KLF7: variants seen among roughly 807,000 people sequenced by gnomAD.
KLF7 encodes the protein KLF transcription factor 7, also known as Krueppel-like factor 7.
A neutral mutation model predicts 27.3 loss-of-function variants in KLF7; 2 were observed. That is an observed-to-expected ratio of 0.07 (90% CI 0.03 to 0.23). The LOEUF (loss-of-function observed/expected upper bound fraction) is 0.23. Among genes scored for constraint, KLF7 ranks in the 10% least tolerant of loss-of-function variants. The pLI is 1.00. For missense variants in KLF7, 221 were observed against 394.1 expected (o/e 0.56, Z 3.72); for synonymous variants, 165 against 162.4 (o/e 1.02, Z -0.12).
rs79965696 is a variant in KLF7 at position 207,111,679 on chromosome 2, G to A, written c.733+12095C>T. 3.9e-3 allele frequency among the ~76,000 whole-genome samples: 591 copies of A among 152,280 alleles called. 3 individuals are homozygous for A. The highest frequency in any genetic ancestry group is 0.014 in the African/African-American group (568 of 41,560). On this transcript the variant is annotated intron_variant, in intron 2 of 3. Coordinates refer to ENST00000309446, the MANE Select transcript of KLF7 (RefSeq NM_003709.4). ...CTCCTTTCTTCATTCCCCAAAGCAT[G>A]CTTGCTTGTATGCCTGCACTCTCAC...
intron 1 of KLF7, among the ~76,000 whole-genome samples, chr2:207,160,100 A>G (rs1046271263): frequency 6.6e-6 from 1 of 152,230 alleles, no homozygotes; most frequent in Non-Finnish European, 1.5e-5. Flanking sequence ...TAACTTGTCA[A>G]TGTTACATGT....
At chr2:207,104,232 G>A (rs901254942) in intron 2 of KLF7, among the ~76,000 whole-genome samples, 16 of 152,218 alleles carry the variant, frequency 1.1e-4, no homozygotes, top group Admixed American at 5.9e-4. Flanking sequence ...TGTGATATAT[G>A]TGGCTTTTTC....
intron 1 of KLF7, among the ~76,000 whole-genome samples, chr2:207,146,132 G>T (rs1329833555): frequency 2.0e-5 from 3 of 152,190 alleles, no homozygotes; most frequent in Non-Finnish European, 2.9e-5. Flanking sequence ...GTGACCAACA[G>T]GCAAGTGGAC....
At chr2:207,167,207 C>A (rs1453150097), upstream of KLF7, 6 of 1,345,758 alleles carry the variant, frequency 4.5e-6, no homozygotes, top group East Asian at 3.0e-5. Context: ...TTCTCGTTTT[C>A]TGGAGTTGGG....
chr2:207,154,330 CA>C (rs950155118), intron 1 of KLF7, among the ~76,000 whole-genome samples: 2 of 152,044 alleles, frequency 1.3e-5, no homozygotes, highest in African/African-American at 4.8e-5. Flanking sequence ...GCTAGAAAAA[CA>C]TAAGATACGT....
chr2:207,138,571 A>C (rs370576412), intron 1 of KLF7, among the ~76,000 whole-genome samples: 1 of 152,362 alleles, frequency 6.6e-6, no homozygotes, highest in African/African-American at 2.4e-5. Flanking sequence ...GGCAGTATCC[A>C]CATTAAGAAT....
chr2:207,122,208 T>C (rs186502997), intron 2 of KLF7, among the ~76,000 whole-genome samples: 2 of 152,256 alleles, frequency 1.3e-5, no homozygotes, highest in East Asian at 1.9e-4. Flanking sequence ...TGTGGAGTGG[T>C]GAACTGGAAC....
intron 2 of KLF7, among the ~76,000 whole-genome samples, chr2:207,089,979 C>CT (rs1245599439): frequency 6.6e-6 from 1 of 152,196 alleles, no homozygotes; most frequent in Non-Finnish European, 1.5e-5. Flanking sequence ...ACTTGACCTA[C>CT]TTTCTTCTTT....
intron 1 of KLF7, among the ~76,000 whole-genome samples, chr2:207,131,192 T>C (rs1194216790): frequency 6.6e-6 from 1 of 152,188 alleles, no homozygotes; most frequent in Non-Finnish European, 1.5e-5. Context: ...GTGAGAAGGA[T>C]GATGCTTCTG....
chr2:207,138,692 T>C lies in KLF7; in HGVS notation c.103-14288A>G, dbSNP rs185904921. Among the ~76,000 whole-genome samples, 159 of 152,316 alleles carry C rather than the reference T, an allele frequency of 1.0e-3. 3 individuals are homozygous for C. Among genetic ancestry groups the C allele is most frequent in the African/African-American group, 3.4e-3 (143 of 41,570 alleles). On this transcript the variant is annotated intron_variant, in intron 1 of 3. Coordinates refer to ENST00000309446, the MANE Select transcript of KLF7 (RefSeq NM_003709.4). Reference sequence around the variant, plus strand: ...CCAATACAATTTCCTAGTGCCCTACTTACTAGAATAAAACTCATGGCAAGA... The same window carrying C: ...CCAATACAATTTCCTAGTGCCCTACCTACTAGAATAAAACTCATGGCAAGA...
chr2:207,139,245 C>G (rs1453286086), intron 1 of KLF7, among the ~76,000 whole-genome samples: 1 of 152,124 alleles, frequency 6.6e-6, no homozygotes, highest in Non-Finnish European at 1.5e-5. Context: ...ACATACATTT[C>G]TTTTTTCTTT....
intron 2 of KLF7, among the ~76,000 whole-genome samples, chr2:207,110,311 G>A (rs989633695): frequency 1.3e-5 from 2 of 152,208 alleles, no homozygotes; most frequent in East Asian, 1.9e-4. Context: ...AAATGCCAGC[G>A]CAATATACAG....
intron 2 of KLF7, among the ~76,000 whole-genome samples, chr2:207,099,551 G>GATACATATATATATATATATATAT (rs2076709490): frequency 3.5e-5 from 2 of 57,568 alleles, no homozygotes; most frequent in Non-Finnish European, 6.7e-5. Context: ...CTACATATGC[G>GATACATATATATATATATATATAT]ATATATATAT....
intron 1 of KLF7, among the ~76,000 whole-genome samples, chr2:207,133,745 G>T (rs1042695049): frequency 6.6e-6 from 1 of 151,900 alleles, no homozygotes; most frequent in South Asian, 2.1e-4. Flanking sequence ...AAGAGGGGGA[G>T]GGGGGGAGCC....
intron 1 of KLF7, among the ~76,000 whole-genome samples, chr2:207,155,358 A>C (rs2078354539): frequency 6.6e-6 from 1 of 152,156 alleles, no homozygotes; most frequent in Admixed American, 6.5e-5. Context: ...GGTTTTTTGC[A>C]ACTCATTTGC....
At chr2:207,102,626 GTTACCCTTACCATTTCATACATTTAGA>G (rs1417528147) in intron 2 of KLF7, among the ~76,000 whole-genome samples, 2 of 152,156 alleles carry the variant, frequency 1.3e-5, no homozygotes, top group Non-Finnish European at 2.9e-5. Context: ...GTACTAGGAT[GTTACCCTTACCATTTCATACATTTAGA>G]ATTTCAGAAC....
At chr2:207,095,720 T>G (rs2076614182) in intron 2 of KLF7, among the ~76,000 whole-genome samples, 1 of 152,170 alleles carries the variant, frequency 6.6e-6, no homozygotes, top group Non-Finnish European at 1.5e-5. Flanking sequence ...TGCATTTAAC[T>G]TTCACCATTG....
At chr2:207,086,461 T>C (rs867332136) in intron 3 of KLF7, among the ~76,000 whole-genome samples, 10 of 151,776 alleles carry the variant, frequency 6.6e-5, no homozygotes, top group South Asian at 2.1e-4. Flanking sequence ...CGCGGGACGC[T>C]GATCTACTCA....
intron 2 of KLF7, among the ~76,000 whole-genome samples, chr2:207,092,349 G>A (rs966407142): frequency 6.6e-6 from 1 of 152,348 alleles, no homozygotes; most frequent in African/African-American, 2.4e-5. Context: ...CAGTGAGGCT[G>A]TGCCCCCACA....
Sources: allele counts gnomAD v4.1 joint callset (sites outside exome capture counted in the v4.1 genomes callset), GRCh38; gene constraint gnomAD v4.1.1; transcripts MANE v1.5; gene names NCBI Gene and HGNC (gene_info 2026-07-23, HGNC 2026-07-21).